Variants in DPH6 observed in about 807,000 individuals in gnomAD.
The protein encoded by DPH6 is diphthine--ammonia ligase.
A neutral mutation model predicts 38.2 loss-of-function variants in DPH6; 33 were observed. The observed-to-expected ratio is 0.86, with a 90% CI of 0.65 to 1.15. DPH6 has a LOEUF of 1.15. Ranked by LOEUF, DPH6 falls within the 50% of genes most tolerant of loss-of-function variation. The pLI, the probability that DPH6 is intolerant of heterozygous loss-of-function variation, is 0.00. For missense variants in DPH6, 325 were observed against 320.0 expected (o/e 1.02, Z -0.12); for synonymous variants, 108 against 103.0 (o/e 1.05, Z -0.30).
chr15:35,194,547 C>G, the DPH6 span, among the ~76,000 whole-genome samples: 3 of 152,198 alleles, frequency 2.0e-5, no homozygotes, highest in Non-Finnish European at 4.4e-5. Context: ...ATGTCTCATA[C>G]TTAATAATAA....
chr15:35,449,322 C>T (rs1300472353), intron 5 of DPH6, among the ~76,000 whole-genome samples: 1 of 151,928 alleles, frequency 6.6e-6, no homozygotes, highest in Non-Finnish European at 1.5e-5. Context: ...AAGCTAATTC[C>T]CCATCTCTAA....
intron 6 of DPH6, chr15:35,400,571 C>G: frequency 2.8e-6 from 1 of 351,648 alleles, no homozygotes; most frequent in Non-Finnish European, 5.3e-6. Flanking sequence ...GTGTCAAACA[C>G]TGAAGAACCA....
At chr15:35,304,291 A>G (rs1566864317) in intron 3 of DPH6, among the ~76,000 whole-genome samples, 2 of 152,128 alleles carry the variant, frequency 1.3e-5, no homozygotes, top group Admixed American at 6.5e-5. Flanking sequence ...TGTAAGCCCA[A>G]GTTCCTTTCC....
intron 5 of DPH6, among the ~76,000 whole-genome samples, chr15:35,412,610 T>C (rs1336982327): frequency 6.6e-6 from 1 of 151,656 alleles, no homozygotes; most frequent in African/African-American, 2.4e-5. Flanking sequence ...ACTAAGTAAA[T>C]TGTGTATATC....
At chr15:35,298,731 T>G in intron 3 of DPH6, 2 of 1,580,596 alleles carry the variant, frequency 1.3e-6, no homozygotes, top group Non-Finnish European at 8.7e-7. Context: ...TGTATGATCT[T>G]GTGCGCCACC....
At chr15:35,257,195 A>C (rs2051714327) in intron 3 of DPH6, among the ~76,000 whole-genome samples, 1 of 152,204 alleles carries the variant, frequency 6.6e-6, no homozygotes, top group African/African-American at 2.4e-5. Context: ...AAAAATAATA[A>C]ATAGGTAAGG....
intron 7 of DPH6, among the ~76,000 whole-genome samples, chr15:35,381,121 C>A (rs908473024): frequency 1.3e-5 from 2 of 152,078 alleles, no homozygotes; most frequent in African/African-American, 4.8e-5. Context: ...AATACTGAAG[C>A]CTTCCATTCA....
the DPH6 span, among the ~76,000 whole-genome samples, chr15:35,158,175 T>G: frequency 1.3e-5 from 2 of 151,912 alleles, no homozygotes; most frequent in Middle Eastern, 3.4e-3. Context: ...TGCCCCTATT[T>G]TGCATCATGG....
intron 3 of DPH6, among the ~76,000 whole-genome samples, chr15:35,486,853 C>T (rs997113837): frequency 6.6e-5 from 10 of 152,110 alleles, no homozygotes; most frequent in Admixed American, 1.3e-4. Flanking sequence ...GCCTATGAGC[C>T]TGTAAAATAA....
At chr15:35,469,771 A>T (rs1481705081) in intron 3 of DPH6, among the ~76,000 whole-genome samples, 1 of 152,234 alleles carries the variant, frequency 6.6e-6, no homozygotes, top group Admixed American at 6.5e-5. Flanking sequence ...AAATGTGTAT[A>T]CCAGTGGTAG....
At chr15:35,299,818 T>C (rs2052042815) in intron 3 of DPH6, among the ~76,000 whole-genome samples, 1 of 152,250 alleles carries the variant, frequency 6.6e-6, no homozygotes, top group African/African-American at 2.4e-5. Flanking sequence ...GTATTCTTTT[T>C]TGTGCGTGCT....
At chr15:35,259,971 T>C (rs1385849507) in intron 3 of DPH6, among the ~76,000 whole-genome samples, 3 of 152,142 alleles carry the variant, frequency 2.0e-5, no homozygotes, top group Non-Finnish European at 4.4e-5. Context: ...CAAGTGCAAA[T>C]GCTCAGAAAT....
intron 3 of DPH6, among the ~76,000 whole-genome samples, chr15:35,466,096 G>A (rs956038486): frequency 6.6e-6 from 1 of 152,170 alleles, no homozygotes; most frequent in Non-Finnish European, 1.5e-5. Flanking sequence ...AGCTACTCTG[G>A]AGGCTGTGGT....
At chr15:35,285,781 C>A (rs1303721741) in intron 3 of DPH6, among the ~76,000 whole-genome samples, 1 of 150,616 alleles carries the variant, frequency 6.6e-6, no homozygotes, top group Admixed American at 6.6e-5. Flanking sequence ...GAGGAAGTTA[C>A]CTGTATGTCC....
At chr15:35,474,766 A>C (rs2054244321) in intron 3 of DPH6, among the ~76,000 whole-genome samples, 1 of 152,152 alleles carries the variant, frequency 6.6e-6, no homozygotes, top group South Asian at 2.1e-4. Flanking sequence ...GAAAAGTAGT[A>C]AATACATGAA....
intron 3 of DPH6, among the ~76,000 whole-genome samples, chr15:35,285,237 T>C (rs2051932785): frequency 6.6e-6 from 1 of 152,190 alleles, no homozygotes. Flanking sequence ...CAATAACTTT[T>C]CAAAGAACTT....
downstream of DPH6, among the ~76,000 whole-genome samples, chr15:35,213,324 G>A (rs1244533692): frequency 1.3e-5 from 2 of 152,156 alleles, no homozygotes; most frequent in East Asian, 1.9e-4. Context: ...ATGAGATACC[G>A]TTAACAGTAG....
At chr15:35,288,131 C>T (rs2051956127) in intron 3 of DPH6, among the ~76,000 whole-genome samples, 1 of 152,168 alleles carries the variant, frequency 6.6e-6, no homozygotes, top group South Asian at 2.1e-4. Flanking sequence ...TTGTCAACTA[C>T]ATACTGATTA....
the DPH6 span, among the ~76,000 whole-genome samples, chr15:35,177,408 C>T: frequency 6.8e-6 from 1 of 147,992 alleles, no homozygotes. Flanking sequence ...GACCCCACCT[C>T]TCTACAAAAA....
Sources: gnomAD v4.1 joint callset for allele counts (sites outside exome capture counted in the v4.1 genomes callset) on GRCh38, gnomAD v4.1.1 for gene constraint, MANE v1.5 for transcripts, NCBI Gene and HGNC (gene_info 2026-07-23, HGNC 2026-07-21) for gene names.